The following SLC49A3 variants were observed in gnomAD, a reference collection of about 807,000 sequenced individuals.
The protein encoded by SLC49A3 is solute carrier family 49 member A3.
Under a neutral mutation model 43.8 loss-of-function variants are expected in SLC49A3, and 50 were observed. The observed-to-expected ratio is 1.14, with a 90% CI of 0.91 to 1.45. The LOEUF is 1.45. Among genes scored for constraint, SLC49A3 ranks in the 40% most tolerant of loss-of-function variants. The probability of loss-of-function intolerance (pLI) is 0.00; values close to 1 mark genes in which losing one functional copy is unlikely to be tolerated. For missense variants in SLC49A3, 906 were observed against 774.1 expected, an observed-to-expected ratio of 1.17 and a Z score of -2.02; for synonymous variants, 413 against 352.0, an observed-to-expected ratio of 1.17 and a Z score of -1.94.
Position 682,147 on chromosome 4 carries a change from C to G in SLC49A3, c.1491G>C (p.Ser497=). 1 of 1,340,550 alleles carries G rather than the reference C, an allele frequency of 7.5e-7. No individual in the cohort carries two copies. Among genetic ancestry groups the G allele is most frequent in the Non-Finnish European group, 9.7e-7 (1 of 1,034,562 alleles). The allele number at this position is 1,340,550 out of a possible 1,614,324, so 83.0% of individuals were successfully genotyped here. A position where few individuals can be genotyped will look rare whatever the true frequency, so the allele number is the denominator to read the frequency against. ...ATPECTARGA[S]LEDPRGPGSP... ...TCCCGGGCCCTCTGGGGTCCTCTAG[C>G]GAGGCCCCCCTCGCCGTGCACTCCG... The change falls in exon 10 of 10, where the codon TCG becomes TCC. Residue 497 remains serine, a synonymous_variant. Coordinates refer to ENST00000322224, the MANE Select transcript of SLC49A3 (RefSeq NM_032219.4).
In SLC49A3 at chr4:687,077, C is replaced by T. The variant is rs566582311; in HGVS notation, c.136-387G>A. ...CCAGCCCCACCCAAGGCCAGCCTGA[C>T]CTTCCCTCCTGCAGGGCCCAGGTGT... On this transcript the variant is annotated intron_variant, in intron 1 of 9. Coordinates refer to ENST00000322224, the MANE Select transcript of SLC49A3 (RefSeq NM_032219.4). Among the ~76,000 whole-genome samples the T allele has an allele frequency of 5.9e-5, 9 of 152,362 alleles. No homozygotes were observed. In the South Asian group the frequency reaches 1.7e-3, roughly 28 times the overall value.
At chr4:688,070 T>A (rs139725914) in intron 1 of SLC49A3, 4 of 152,570 alleles carry the variant, frequency 2.6e-5, no homozygotes, top group Non-Finnish European at 4.4e-5. Context: ...CGACACCCAC[T>A]GACTCTTGGA....
chr4:676,906 G>A (rs768474100), downstream of SLC49A3: 101 of 985,354 alleles, frequency 1.0e-4, no homozygotes, highest in Admixed American at 1.8e-4. Flanking sequence ...CATAGAGGCC[G>A]CTGGACCTGG....
rs550201509 is a variant in SLC49A3 at position 689,058 on chromosome 4, G to T, written c.70C>A (p.Arg24Ser). ...PRALCAQRGH[R>S]TYARRWVFLL... The stretch of plus-strand genomic sequence containing the variant: ...AACACCCAGCGGCGCGCGTAGGTGC[G>T]GTGGCCCCGCTGCGCGCACAGGGCC... Residue 24 changes from arginine to serine, a missense_variant, in exon 1 of 10, where the codon CGC becomes AGC. Physicochemically the swap from Arg to Ser is moderately radical, Grantham distance 110 (BLOSUM62 -1). Transcript: ENST00000322224. The T allele has an allele frequency of 6.3e-7, 1 of 1,579,834 alleles. No individual in the cohort carries two copies. Among genetic ancestry groups the T allele is most frequent in the East Asian group, 2.5e-5 (1 of 40,392 alleles).
downstream of SLC49A3, chr4:678,999 C>G (rs762758004): frequency 4.3e-6 from 7 of 1,613,688 alleles, no homozygotes; most frequent in Non-Finnish European, 5.9e-6. Flanking sequence ...GCTTCATTGA[C>G]AAGGAGGACC....
rs1318890843 is a variant in SLC49A3 at position 682,096 on chromosome 4, C to T, written c.1542G>A (p.Ala514=). ...PGSPHPACHR[A]TPRAQGPAAT... ...CTGCTGGGCCTTGCGCACGGGGAGT[C>T]GCTCGGTGGCAGGCTGGGTGGGGGC... is the stretch of plus-strand genomic sequence containing the variant. The change falls in exon 10 of 10, where the codon GCG becomes GCA. Residue 514 remains alanine (A), a synonymous_variant. Coordinates refer to ENST00000322224, the MANE Select transcript of SLC49A3 (RefSeq NM_032219.4). The T allele has an allele frequency of 2.2e-6, 3 of 1,380,220 alleles. No individual in the cohort carries two copies. The highest frequency in any genetic ancestry group is 3.0e-5 in the African/African-American group (2 of 66,638). The allele number at this position is 1,380,220 out of a possible 1,614,324, so 85.5% of individuals were successfully genotyped here.
At chr4:687,236 G>A (rs1741232923) in intron 1 of SLC49A3, 1 of 153,106 alleles carries the variant, frequency 6.5e-6, no homozygotes. Context: ...CCTCCTAGGA[G>A]AGGTGAGACT....
chr4:678,675 G>A, downstream of SLC49A3: 1 of 1,609,992 alleles, frequency 6.2e-7, no homozygotes, highest in Non-Finnish European at 8.5e-7. Flanking sequence ...GGAAGACCAA[G>A]AAGAAGGAAG....
At chr4:684,928 C>A (rs1740690863) in intron 4 of SLC49A3, 72 bp from the exon 5 acceptor site, 1 of 1,521,848 alleles carries the variant, frequency 6.6e-7, no homozygotes. Flanking sequence ...CCTGCCTGTC[C>A]CAGGCGCCAC....
At chr4:687,722 C>T (rs1308361333) in intron 1 of SLC49A3, among the ~76,000 whole-genome samples, 1 of 152,214 alleles carries the variant, frequency 6.6e-6, no homozygotes, top group African/African-American at 2.4e-5. Context: ...CCTGCCTGCG[C>T]TCGCCCCCTT....
At chr4:682,633 G>T in intron 9 of SLC49A3, 148 bp downstream of exon 9, 1 of 655,050 alleles carries the variant, frequency 1.5e-6, no homozygotes, top group Non-Finnish European at 2.4e-6. Flanking sequence ...TGGCTCACCT[G>T]TCCTATTGCC....
chr4:682,514 G>T, intron 9 of SLC49A3, 138 bp from the exon 10 acceptor site: 2 of 975,182 alleles, frequency 2.1e-6, no homozygotes, highest in Non-Finnish European at 2.7e-6. Context: ...CGCAGCTCTT[G>T]ACAGCCCTGA....
chr4:688,887 C>G, intron 1 of SLC49A3, 106 bp downstream of exon 1: 1 of 1,431,886 alleles, frequency 7.0e-7, no homozygotes, highest in Non-Finnish European at 9.1e-7. Context: ...ACCCCCCGCC[C>G]CCAGCCAGCA....
Position 682,046 on chromosome 4 carries a change from C to T in SLC49A3, c.1592G>A (p.Gly531Asp), listed in dbSNP as rs867135215. The change falls in exon 10 of 10, where the codon GGC becomes GAC. Residue 531 changes from glycine to aspartate, a missense_variant. Transcript: ENST00000322224. ...CGCTTGGACCCTGCCTGCGAGTCTG[C>T]CGGGGCGGGAGGGCGCGTCGGTGGC... ...PAATDAPSRP[G>D]RLAGRVQASR... is the part of the protein sequence containing the mutation. The T allele has an allele frequency of 7.0e-7, 1 of 1,418,898 alleles. No individual in the cohort carries two copies. The highest frequency in any genetic ancestry group is 9.3e-7 in the Non-Finnish European group (1 of 1,074,032). The allele number at this position is 1,418,898 out of a possible 1,614,324, so 87.9% of individuals were successfully genotyped here. A position where few individuals can be genotyped will look rare whatever the true frequency, so the allele number is the denominator to read the frequency against.
At chr4:679,954 CAA>C (rs1371179376), downstream of SLC49A3, 2 of 1,613,670 alleles carry the variant, frequency 1.2e-6, no homozygotes, top group African/African-American at 1.3e-5. Flanking sequence ...ACGCCATGCT[CAA>C]AGAGGCCTCG....
At chr4:678,091 G>A, downstream of SLC49A3, 1 of 1,599,590 alleles carries the variant, frequency 6.3e-7, no homozygotes, top group African/African-American at 1.4e-5. Context: ...CTGTGCATGT[G>A]TACATGCGCA....
At chr4:677,786 C>T, downstream of SLC49A3, 2 of 630,428 alleles carry the variant, frequency 3.2e-6, no homozygotes, top group Non-Finnish European at 5.8e-6. Flanking sequence ...GGGAGGTAGT[C>T]CTGGCCAGAG....
chr4:678,593 T>C (rs756867432), downstream of SLC49A3: 5 of 1,548,618 alleles, frequency 3.2e-6, no homozygotes, highest in Non-Finnish European at 4.4e-6. Flanking sequence ...CTCTCAAAAC[T>C]CTGGGTGCCC....
chr4:682,859 T>G lies in SLC49A3; in HGVS notation c.1183A>C (p.Met395Leu), dbSNP rs946674717. ...QAEGILIMLA[M>L]TALTVRRSEP... The stretch of plus-strand genomic sequence containing the variant: ...GAGCGTCGCACAGTCAGTGCCGTCA[T>G]TGCCAGCATGATGAGTATTCCCTCG... The change falls in exon 9 of 10, where the codon ATG becomes CTG. Residue 395 changes from methionine (M) to leucine (L), a missense_variant. Physicochemically the swap from Met to Leu is conservative, Grantham distance 15. Transcript: ENST00000322224. The G allele has an allele frequency of 6.2e-7, 1 of 1,603,146 alleles. No homozygotes were observed. Among genetic ancestry groups the G allele is most frequent in the Non-Finnish European group, 8.5e-7 (1 of 1,173,194 alleles).
Sources: gnomAD v4.1 joint callset for allele counts (sites outside exome capture counted in the v4.1 genomes callset) on GRCh38, gnomAD v4.1.1 for gene constraint, MANE v1.5 for transcripts, NCBI Gene and HGNC (gene_info 2026-07-23, HGNC 2026-07-21) for gene names.